The following PRTG variants were observed in gnomAD, a reference collection of about 807,000 sequenced individuals.
The protein encoded by PRTG is immunoglobulin superfamily, DCC subclass, member 5.
Under a neutral mutation model 122.5 loss-of-function variants are expected in PRTG, and 67 were observed. The ratio of observed to expected loss-of-function variants is 0.55; its 90% CI spans 0.45 to 0.67. The LOEUF is 0.67. Among genes scored for constraint, PRTG ranks in the 30% least tolerant of loss-of-function variants. PRTG has a pLI of 0.00. For synonymous variants in PRTG, 554 were observed against 501.1 expected (o/e 1.11, Z -1.41); for missense variants, 1,435 against 1,415.4 (o/e 1.01, Z -0.22).
At chr15:55,656,153 A>C in intron 11 of PRTG, 1 of 278,348 alleles carries the variant, frequency 3.6e-6, no homozygotes, top group Non-Finnish European at 7.1e-6. Flanking sequence ...CTGTATTTAA[A>C]TTTCCAAAAT....
At chr15:55,738,680 T>A in intron 2 of PRTG, 1 of 414,472 alleles carries the variant, frequency 2.4e-6, no homozygotes. Context: ...AAACCATTAC[T>A]CCATGAAAAA....
Position 55,616,606 on chromosome 15 carries a change from A to C in PRTG, c.*3406T>G, listed in dbSNP as rs2059142895. ...GTCCTCATGCATGTTATTTGTATAC[A>C]GACTGTGTTCCGAAGAGACATGTTT... On this transcript the variant is annotated 3_prime_UTR_variant, in exon 20 of 20. Coordinates refer to ENST00000389286, the MANE Select transcript of PRTG (RefSeq NM_173814.6). 6.6e-6 allele frequency: 1 copy of C among 152,192 alleles called. No individual in the cohort carries two copies. The highest frequency in any genetic ancestry group is 2.4e-5 in the African/African-American group (1 of 41,462). 9.4% of individuals were successfully genotyped at this position (152,192 alleles called of 1,614,324 possible).
chr15:55,734,891 G>C (rs2031360788), intron 2 of PRTG, among the ~76,000 whole-genome samples: 1 of 152,184 alleles, frequency 6.6e-6, no homozygotes, highest in Non-Finnish European at 1.5e-5. Context: ...AGCTGGTGAA[G>C]ATAATTTGGT....
At chr15:55,643,295 T>C (rs971055589) in intron 11 of PRTG, among the ~76,000 whole-genome samples, 1 of 152,160 alleles carries the variant, frequency 6.6e-6, no homozygotes, top group African/African-American at 2.4e-5. Flanking sequence ...CCTTTCTAGA[T>C]AGAAAGGTAA....
In PRTG at chr15:55,671,534, G is replaced by A. The variant is rs112378655; in HGVS notation, c.2041+911C>T. On this transcript the variant is annotated intron_variant, in intron 11 of 19. Coordinates refer to ENST00000389286, the MANE Select transcript of PRTG (RefSeq NM_173814.6). Reference sequence around the variant, plus strand: ...TTTTGAGACAGAATCTCGCACTGTCGCCCAGGCTGGAGCGTAGTGGCGCGA... The same window carrying A: ...TTTTGAGACAGAATCTCGCACTGTCACCCAGGCTGGAGCGTAGTGGCGCGA... Among the ~76,000 whole-genome samples the A allele has an allele frequency of 6.3e-3, 961 of 151,916 alleles. 7 individuals are homozygous for A. The highest frequency in any genetic ancestry group is 0.021 in the African/African-American group (886 of 41,412).
chr15:55,695,465 C>T (rs2059626813), intron 2 of PRTG, among the ~76,000 whole-genome samples: 1 of 152,174 alleles, frequency 6.6e-6, no homozygotes, highest in South Asian at 2.1e-4. Flanking sequence ...GGTCAGAATC[C>T]TAACGCAGGG....
chr15:55,655,792 T>G (rs1343031709), intron 11 of PRTG: 2 of 152,256 alleles, frequency 1.3e-5, no homozygotes, highest in Non-Finnish European at 2.9e-5. Flanking sequence ...AGAATTTTTT[T>G]ATAAGCAATT....
chr15:55,737,384 T>C (rs1398263185), intron 2 of PRTG, among the ~76,000 whole-genome samples: 1 of 152,220 alleles, frequency 6.6e-6, no homozygotes. Flanking sequence ...ATGAATTCTT[T>C]TGTGCTTGAA....
rs1487412314 is a variant in PRTG, at chr15:55,721,669, C to G, written c.397+18713G>C. Reference sequence around the variant, plus strand: ...TTCTCACACTACTATAAGGACATACCCAAGACTGGGTAATTTGTAAGAGAA... The same window carrying G: ...TTCTCACACTACTATAAGGACATACGCAAGACTGGGTAATTTGTAAGAGAA... On this transcript the variant is annotated intron_variant, in intron 2 of 19. Transcript: ENST00000389286. 1.8e-4 allele frequency among the ~76,000 whole-genome samples: 28 copies of G among 152,050 alleles called. 1 individual carries two copies. The highest frequency in any genetic ancestry group is 1.6e-3 in the Admixed American group (24 of 15,252).
At chr15:55,731,303 C>A (rs1180601338) in intron 2 of PRTG, among the ~76,000 whole-genome samples, 2 of 151,138 alleles carry the variant, frequency 1.3e-5, no homozygotes, top group African/African-American at 4.9e-5. Flanking sequence ...CATCAGGGGA[C>A]GCCAGAGGAC....
intron 2 of PRTG, among the ~76,000 whole-genome samples, chr15:55,692,658 A>C (rs997499024): frequency 6.6e-6 from 1 of 151,944 alleles, no homozygotes; most frequent in African/African-American, 2.4e-5. Context: ...ATCTTGATTT[A>C]AGTGTTTTTT....
intron 2 of PRTG, among the ~76,000 whole-genome samples, chr15:55,708,869 G>C (rs961614959): frequency 6.6e-6 from 1 of 151,876 alleles, no homozygotes; most frequent in African/African-American, 2.4e-5. Context: ...TTGAGGCCGG[G>C]TGCAGTGACT....
At chr15:55,687,508 C>A (rs1268824626) in intron 2 of PRTG, among the ~76,000 whole-genome samples, 1 of 152,190 alleles carries the variant, frequency 6.6e-6, no homozygotes, top group Admixed American at 6.5e-5. Context: ...GCACCACTGC[C>A]TTTTCTTTGA....
chr15:55,714,408 T>A lies in PRTG; in HGVS notation c.397+25974A>T, dbSNP rs1220870845. On this transcript the variant is annotated intron_variant, in intron 2 of 19. Transcript: ENST00000389286. ...CCCCCCCGCTAGTTTTAAAAACATTTTTTGTAGACAGGAGGTGTCACTATG... is the reference window on the plus strand; with the variant it reads ...CCCCCCCGCTAGTTTTAAAAACATTATTTGTAGACAGGAGGTGTCACTATG... Among the ~76,000 whole-genome samples, 9 of 150,912 alleles carry A rather than the reference T, an allele frequency of 6.0e-5. No individual in the cohort carries two copies. The East Asian group carries it at 1.8e-3, about 31-fold the overall frequency.
chr15:55,626,614 T>C (rs1261083994), intron 17 of PRTG, among the ~76,000 whole-genome samples: 1 of 147,428 alleles, frequency 6.8e-6, no homozygotes, highest in East Asian at 2.0e-4. Context: ...AAAAATTAGC[T>C]GGGCGTGGTG....
At chr15:55,663,999 T>C (rs2059424006) in intron 11 of PRTG, among the ~76,000 whole-genome samples, 1 of 152,238 alleles carries the variant, frequency 6.6e-6, no homozygotes. Context: ...TGAGGAGTAT[T>C]CCAATTGTAC....
rs1450499839 is a variant in PRTG, at chr15:55,619,718, C to T, written c.*294G>A. ...CTGACAATGAAACATTCAAATTACA[C>T]AAGTTTAAAAATAAAAAACAAAACA... On this transcript the variant is annotated 3_prime_UTR_variant, in exon 20 of 20. Transcript: ENST00000389286. 1 of 336,278 alleles carries T rather than the reference C, an allele frequency of 3.0e-6. No homozygotes were observed. Among genetic ancestry groups the T allele is most frequent in the East Asian group, 5.5e-5 (1 of 18,112 alleles). The allele number at this position is 336,278 out of a possible 1,614,324, so 20.8% of individuals were successfully genotyped here.
At chr15:55,692,270 A>G (rs1472790907) in intron 2 of PRTG, among the ~76,000 whole-genome samples, 1 of 152,128 alleles carries the variant, frequency 6.6e-6, no homozygotes, top group African/African-American at 2.4e-5. Context: ...GTTTAGAGGT[A>G]GGGAGACTAA....
intron 17 of PRTG, among the ~76,000 whole-genome samples, chr15:55,626,348 G>A (rs2059194653): frequency 6.6e-6 from 1 of 151,860 alleles, no homozygotes; most frequent in Non-Finnish European, 1.5e-5. Flanking sequence ...GGTGAAGGTT[G>A]CAGTGAGCTG....
Sources: allele counts gnomAD v4.1 joint callset (sites outside exome capture counted in the v4.1 genomes callset), GRCh38; gene constraint gnomAD v4.1.1; transcripts MANE v1.5; gene names NCBI Gene and HGNC (gene_info 2026-07-23, HGNC 2026-07-21).